LNX2: variants seen among roughly 807,000 people sequenced by gnomAD.
LNX2 encodes ligand of Numb protein X 2.
In LNX2, 35 loss-of-function variants were observed where a neutral mutation model predicts 66.2. The ratio of observed to expected loss-of-function variants is 0.53; its 90% CI spans 0.40 to 0.70. LNX2 has a LOEUF of 0.70. Ranked by LOEUF, LNX2 falls within the 30% of genes least tolerant of loss-of-function variation. LNX2 has a pLI of 0.00. For synonymous variants in LNX2, 337 were observed against 315.6 expected (o/e 1.07, Z -0.72); for missense variants, 791 against 850.8 (o/e 0.93, Z 0.87).
At chr13:27,582,269 C>G (rs9512754) in intron 1 of LNX2, among the ~76,000 whole-genome samples, 16,418 of 152,068 alleles carry the variant, frequency 0.11, 1,087 homozygotes, top group Non-Finnish European at 0.14. Context: ...CTCCTGGACT[C>G]AAGCAATCAG....
At chr13:27,616,509 C>G (rs1955828865) in intron 1 of LNX2, among the ~76,000 whole-genome samples, 1 of 152,168 alleles carries the variant, frequency 6.6e-6, no homozygotes, top group Non-Finnish European at 1.5e-5. Context: ...TAAAAGACCC[C>G]TGGATGAGGA....
intron 1 of LNX2, among the ~76,000 whole-genome samples, chr13:27,615,445 T>C (rs1042238028): frequency 5.9e-5 from 9 of 152,210 alleles, no homozygotes; most frequent in African/African-American, 2.2e-4. Context: ...CTCTTGGGCC[T>C]TTTATGAAGA....
chr13:27,552,554 G>A (rs1955018598), intron 8 of LNX2, among the ~76,000 whole-genome samples: 1 of 152,050 alleles, frequency 6.6e-6, no homozygotes, highest in Non-Finnish European at 1.5e-5. Context: ...AACAAATGAT[G>A]ATAGGAACAC....
In LNX2 at chr13:27,581,606, C is replaced by T. The variant is rs1398594405; in HGVS notation, c.98G>A (p.Arg33Lys). ...CTGGTAATTGTACAAATGGTTTTCT[C>T]TTGTCCAGTGCTGTTGGCCACATTC... Reference protein sequence around the residue: ...CFECGQQHWTRENHLYNYQNE... With the variant: ...CFECGQQHWTKENHLYNYQNE... Residue 33 changes from arginine to lysine, a missense_variant, in exon 2 of 10, where the codon AGA (arginine) becomes AAA (lysine). By Grantham distance (26) the Arg-to-Lys change is conservative (BLOSUM62 2). Coordinates refer to ENST00000316334, the MANE Select transcript of LNX2 (RefSeq NM_153371.4). 2.4e-5 allele frequency: 39 copies of T among 1,614,052 alleles called. No individual in the cohort carries two copies. The East Asian group carries it at 8.2e-4, about 34-fold the overall frequency.
intron 1 of LNX2, among the ~76,000 whole-genome samples, chr13:27,615,537 G>A (rs1184465350): frequency 1.3e-5 from 2 of 152,102 alleles, no homozygotes; most frequent in East Asian, 3.9e-4. Flanking sequence ...CTCCCTGGAG[G>A]GTGGTGGTGG....
chr13:27,618,849 T>C (rs1210730351), intron 1 of LNX2, among the ~76,000 whole-genome samples: 2 of 152,182 alleles, frequency 1.3e-5, no homozygotes, highest in African/African-American at 4.8e-5. Flanking sequence ...GTGCCTACAA[T>C]GTACGAAATC....
Position 27,569,269 on chromosome 13 carries a change from C to T in LNX2, c.415G>A (p.Gly139Arg). ...AGGGCAACTCTCCGATGAGAAGCTC[C>T]AGGACATCTAGAAAAAGAATATCAG... is the stretch of plus-strand genomic sequence containing the variant. ...LEAHLKNRCP[G>R]ASHRRVALER... Residue 139 changes from glycine (G) to arginine (R), a missense_variant, in exon 3 of 10, where the codon GGA becomes AGA. By Grantham distance (125) the Gly-to-Arg change is moderately radical (BLOSUM62 -2). Coordinates refer to ENST00000316334, the MANE Select transcript of LNX2 (RefSeq NM_153371.4). The T allele has an allele frequency of 6.2e-7, 1 of 1,609,182 alleles. No homozygotes were observed. Among genetic ancestry groups the T allele is most frequent in the Non-Finnish European group, 8.5e-7 (1 of 1,178,656 alleles).
chr13:27,611,186 C>A (rs1293266119), intron 1 of LNX2, among the ~76,000 whole-genome samples: 1 of 152,112 alleles, frequency 6.6e-6, no homozygotes, highest in Non-Finnish European at 1.5e-5. Flanking sequence ...TGAGCAATAG[C>A]CAAGAGGTAG....
intron 1 of LNX2, 24 bp downstream of exon 1, chr13:27,620,351 G>A (rs1381342144): frequency 6.6e-6 from 1 of 152,404 alleles, no homozygotes; most frequent in Non-Finnish European, 1.5e-5. Context: ...CGCGCAGCGA[G>A]GCGGGCAGGG....
chr13:27,615,882 T>C (rs1481108029), intron 1 of LNX2, among the ~76,000 whole-genome samples: 3 of 152,178 alleles, frequency 2.0e-5, no homozygotes, highest in Non-Finnish European at 4.4e-5. Flanking sequence ...TGGAGAAGTC[T>C]GTGAGCCAAG....
rs1192844073 is a variant in LNX2 at position 27,559,961 on chromosome 13, T to C, written c.1249A>G (p.Thr417Ala). 5.6e-6 allele frequency: 9 copies of C among 1,608,426 alleles called. No individual in the cohort carries two copies. The highest frequency in any genetic ancestry group is 7.6e-6 in the Non-Finnish European group (9 of 1,177,258). ...IQASGERVNL[T>A]IARPGKPQPG... ...TGGGGTTTCCCTGGTCTAGCAATTG[T>C]TAAATTCACTCTCTCTCCACTGGCC... The change falls in exon 6 of 10, where the codon ACA (threonine) becomes GCA (alanine). Residue 417 changes from threonine (T) to alanine (A), a missense_variant. Coordinates refer to ENST00000316334, the MANE Select transcript of LNX2 (RefSeq NM_153371.4).
chr13:27,556,837 T>C (rs1023856022), intron 6 of LNX2, among the ~76,000 whole-genome samples: 3 of 152,206 alleles, frequency 2.0e-5, no homozygotes, highest in East Asian at 1.9e-4. Flanking sequence ...TACAAAAGTG[T>C]AGATTTTGGC....
chr13:27,559,957 A>G lies in LNX2; in HGVS notation c.1253T>C (p.Ile418Thr), dbSNP rs759564066. 6.2e-7 allele frequency: 1 copy of G among 1,608,912 alleles called. No homozygotes were observed. The highest frequency in any genetic ancestry group is 8.5e-7 in the Non-Finnish European group (1 of 1,177,450). The change falls in exon 6 of 10, where the codon ATT becomes ACT. Residue 418 changes from isoleucine (I) to threonine (T), a missense_variant. Physicochemically the swap from Ile to Thr is moderately conservative, Grantham distance 89. Transcript: ENST00000316334. ...QASGERVNLTIARPGKPQPGN... is the reference protein window; with the variant it reads ...QASGERVNLTTARPGKPQPGN... ...AGGCTGGGGTTTCCCTGGTCTAGCA[A>G]TTGTTAAATTCACTCTCTCTCCACT...
At chr13:27,595,144 C>G (rs2138436031) in intron 1 of LNX2, among the ~76,000 whole-genome samples, 2 of 152,330 alleles carry the variant, frequency 1.3e-5, no homozygotes, top group South Asian at 4.1e-4. Flanking sequence ...CTGACCACAG[C>G]ATCCTCTTTC....
intron 8 of LNX2, among the ~76,000 whole-genome samples, chr13:27,551,494 T>C (rs1198706336): frequency 6.6e-6 from 1 of 151,614 alleles, no homozygotes; most frequent in African/African-American, 2.4e-5. Context: ...AAAGCACACC[T>C]AAATGATAAG....
chr13:27,594,879 C>T (rs576849231), intron 1 of LNX2, among the ~76,000 whole-genome samples: 5 of 152,072 alleles, frequency 3.3e-5, no homozygotes, highest in Non-Finnish European at 7.4e-5. Flanking sequence ...TTTGTTGCAC[C>T]TACTCTTTTA....
chr13:27,573,419 TG>T (rs1170294456), intron 2 of LNX2, among the ~76,000 whole-genome samples: 1 of 146,972 alleles, frequency 6.8e-6, no homozygotes, highest in Non-Finnish European at 1.5e-5. Flanking sequence ...TCCTTTTCAC[TG>T]GGGGCATTTG....
chr13:27,608,112 C>T (rs1955737214), intron 1 of LNX2, among the ~76,000 whole-genome samples: 1 of 152,202 alleles, frequency 6.6e-6, no homozygotes, highest in Non-Finnish European at 1.5e-5. Context: ...ACATAACAGG[C>T]ATTCAATAAA....
intron 2 of LNX2, among the ~76,000 whole-genome samples, chr13:27,573,473 C>G (rs1357752641): frequency 6.6e-6 from 1 of 150,660 alleles, no homozygotes; most frequent in Non-Finnish European, 1.5e-5. Flanking sequence ...GAGGTCATTG[C>G]TGAAGATTGT....
Sources: allele counts gnomAD v4.1 joint callset (sites outside exome capture counted in the v4.1 genomes callset), GRCh38; gene constraint gnomAD v4.1.1; transcripts MANE v1.5; gene names NCBI Gene and HGNC (gene_info 2026-07-23, HGNC 2026-07-21).